The following PTPRF variants were observed in gnomAD, a reference collection of about 807,000 sequenced individuals.
The protein encoded by PTPRF is protein tyrosine phosphatase receptor type F, also known as receptor-type tyrosine-protein phosphatase F.
PTPRF carries 59 observed loss-of-function variants against 201.8 expected under a neutral mutation model. The ratio of observed to expected loss-of-function variants is 0.29; its 90% CI spans 0.24 to 0.36. The LOEUF is 0.36. PTPRF is among the 10% of genes least tolerant of loss of function. PTPRF has a pLI of 1.00. For missense variants in PTPRF, 2,132 were observed against 2,690.5 expected (o/e 0.79, Z 4.59); for synonymous variants, 1,088 against 1,089.7 (o/e 1.00, Z 0.03).
At chr1:43,557,886 C>T (rs563529190) in intron 5 of PTPRF, among the ~76,000 whole-genome samples, 2 of 152,154 alleles carry the variant, frequency 1.3e-5, no homozygotes, top group Non-Finnish European at 2.9e-5. Context: ...GTCTGTATAA[C>T]CTTGGCCAGC....
chr1:43,555,728 G>A (rs1388214952), intron 5 of PTPRF, among the ~76,000 whole-genome samples: 1 of 152,310 alleles, frequency 6.6e-6, no homozygotes, highest in Non-Finnish European at 1.5e-5. Context: ...ACAGGCGTGA[G>A]CCACCACGTC....
intron 23 of PTPRF, among the ~76,000 whole-genome samples, chr1:43,616,569 A>G (rs1490486080): frequency 6.6e-6 from 1 of 151,800 alleles, no homozygotes; most frequent in East Asian, 1.9e-4. Flanking sequence ...GGTGACTGGC[A>G]GGGCGGGGTT....
chr1:43,549,240 T>C (rs568275708), intron 3 of PTPRF, among the ~76,000 whole-genome samples: 27 of 152,320 alleles, frequency 1.8e-4, no homozygotes, highest in African/African-American at 6.5e-4. Flanking sequence ...CGACCCTCAC[T>C]GAACACCAGC....
At chr1:43,580,605 C>A (rs569742880) in intron 7 of PTPRF, among the ~76,000 whole-genome samples, 27 of 152,328 alleles carry the variant, frequency 1.8e-4, no homozygotes, top group Admixed American at 1.1e-3. Context: ...GAGTTGTAAG[C>A]GGCACAGCCT....
At chr1:43,587,812 C>G (rs563959904) in intron 7 of PTPRF, among the ~76,000 whole-genome samples, 1 of 152,318 alleles carries the variant, frequency 6.6e-6, no homozygotes, top group South Asian at 2.1e-4. Context: ...TTCATCACCT[C>G]CCTTCCCTCT....
At position 43,572,695 on chromosome 1, in the gene PTPRF, G is replaced by A. The variant is rs145754802; in HGVS notation, c.568+2917G>A. ...GGACCTTTACGGTTTACGCATCACC[G>A]ACAGTTTACAACAGAGCTTTCCCCG... On this transcript the variant is annotated intron_variant, in intron 6 of 33. Coordinates refer to ENST00000359947, the MANE Select transcript of PTPRF (RefSeq NM_002840.5). Among the ~76,000 whole-genome samples the A allele has an allele frequency of 1.3e-3, 204 of 152,238 alleles. 1 individual carries two copies. Among genetic ancestry groups the A allele is most frequent in the African/African-American group, 4.7e-3 (195 of 41,552 alleles).
intron 6 of PTPRF, among the ~76,000 whole-genome samples, chr1:43,571,180 G>A (rs1407707075): frequency 2.0e-5 from 3 of 152,072 alleles, no homozygotes; most frequent in East Asian, 3.9e-4. Flanking sequence ...TTGTCCTCTC[G>A]GCAGCAGCTA....
At position 43,620,846 on chromosome 1, in the gene PTPRF, G is replaced by A; in HGVS notation, c.5373G>A (p.Gln1791=). ...CCACCCACCTTTCCCAGGATGGGCA[G>A]TCAAGGACAATCCGGCAGTTCCAGT... ...EFKVTDARDG[Q]SRTIRQFQFT... Residue 1791 remains glutamine (Q), a synonymous_variant, in exon 32 of 34, where the codon CAG becomes CAA. Transcript: ENST00000359947. The A allele has an allele frequency of 6.2e-7, 1 of 1,612,016 alleles. No homozygotes were observed. The highest frequency in any genetic ancestry group is 8.5e-7 in the Non-Finnish European group (1 of 1,178,774).
At chr1:43,522,677 T>C (rs1242266389), upstream of PTPRF, among the ~76,000 whole-genome samples, 1 of 152,158 alleles carries the variant, frequency 6.6e-6, no homozygotes, top group Non-Finnish European at 1.5e-5. Context: ...AAGAATGAGT[T>C]ACCATGTGAA....
intron 6 of PTPRF, among the ~76,000 whole-genome samples, chr1:43,577,600 A>G (rs757747535): frequency 2.0e-5 from 3 of 152,188 alleles, no homozygotes; most frequent in Non-Finnish European, 4.4e-5. Flanking sequence ...CCCAACCGTG[A>G]GAGCATGACT....
At chr1:43,620,428 A>G (rs1323718996) in intron 30 of PTPRF, 26 bp from the exon 31 acceptor site, 1 of 1,596,652 alleles carries the variant, frequency 6.3e-7, no homozygotes. Flanking sequence ...TCACCTGATT[A>G]TGGGGGCCCG....
At chr1:43,582,577 G>C (rs546548045) in intron 7 of PTPRF, 1,310 of 10,236 alleles carry the variant, frequency 0.13, 31 homozygotes, top group East Asian at 0.46. Flanking sequence ...ACCTGGCTGC[G>C]GGCCACAGCT....
chr1:43,582,528 C>T (rs1170894400), intron 7 of PTPRF: 1 of 152,356 alleles, frequency 6.6e-6, no homozygotes, highest in African/African-American at 2.4e-5. Flanking sequence ...GCCTGGCCTA[C>T]CTGTGCCAGG....
Position 43,554,853 on chromosome 1 carries a change from C to CT in PTPRF, c.379+915dup, listed in dbSNP as rs1280917056. Among the ~76,000 whole-genome samples the CT allele has an allele frequency of 8.5e-4, 121 of 143,194 alleles. 2 individuals carry two copies. The highest frequency in any genetic ancestry group is 5.0e-3 in the South Asian group (23 of 4,594). The allele number at this position is 143,194 out of a possible 152,430, so 93.9% of individuals were successfully genotyped here. A position where few individuals can be genotyped will look rare whatever the true frequency, so the allele number is the denominator to read the frequency against. On this transcript the variant is annotated intron_variant, in intron 5 of 33. Coordinates refer to ENST00000359947, the MANE Select transcript of PTPRF (RefSeq NM_002840.5). This position sits in a 1 kb window ranked among gnomAD's most constrained non-coding sequence, Gnocchi z 4.1. ...TTGCTTTTTTTTCTTTTCTTTCTTT[C>CT]TTTCTTTTTTTTTTTTTGAGATGCA...
At chr1:43,551,520 C>T (rs1229661632) in intron 3 of PTPRF, among the ~76,000 whole-genome samples, 2 of 152,072 alleles carry the variant, frequency 1.3e-5, no homozygotes, top group Non-Finnish European at 2.9e-5. Flanking sequence ...GCTGGCTGCC[C>T]GAGCCTGCCC....
chr1:43,597,521 C>T (rs1037997286), intron 11 of PTPRF, among the ~76,000 whole-genome samples: 9 of 151,298 alleles, frequency 5.9e-5, no homozygotes, highest in Non-Finnish European at 8.9e-5. Context: ...TGTGTATCAC[C>T]GTGTGTGTGT....
upstream of PTPRF, among the ~76,000 whole-genome samples, chr1:43,530,365 C>T (rs1324212331): frequency 2.6e-5 from 4 of 152,000 alleles, no homozygotes; most frequent in South Asian, 2.1e-4. This position sits in a 1 kb window ranked among gnomAD's most constrained non-coding sequence, Gnocchi z 4.1. Flanking sequence ...TACAGGGTTC[C>T]ATTTAAGGTC....
chr1:43,598,737 C>T lies in PTPRF; in HGVS notation c.2137C>T (p.Arg713Trp). 3.1e-6 allele frequency: 5 copies of T among 1,613,522 alleles called. No homozygotes were observed. The highest frequency in any genetic ancestry group is 4.2e-6 in the Non-Finnish European group (5 of 1,179,576). The change falls in exon 13 of 34, where the codon CGG becomes TGG. Residue 713 changes from arginine to tryptophan, a missense_variant. By Grantham distance (101) the Arg-to-Trp change is moderately radical. Transcript: ENST00000359947. ...TDEDVPSGPP[R>W]KVEVEPLNST... ...CCCCCCAGTGCCCAGCGGGCCTCCGCGGAAGGTGGAGGTGGAGCCACTGAA... is the reference window on the plus strand; with the variant it reads ...CCCCCCAGTGCCCAGCGGGCCTCCGTGGAAGGTGGAGGTGGAGCCACTGAA...
In PTPRF at chr1:43,597,900, C is replaced by G. The variant is rs985815285; in HGVS notation, c.1966C>G (p.Arg656Gly). The G allele has an allele frequency of 6.2e-7, 1 of 1,605,102 alleles. No homozygotes were observed. The highest frequency in any genetic ancestry group is 1.1e-5 in the South Asian group (1 of 88,904). The stretch of plus-strand genomic sequence containing the variant: ...GGCGGTGGACGGCGAGGACCGCGGG[C>G]GGCATGTGGTGGATGGCATCAGCCG... Reference protein sequence around the residue: ...YEAVDGEDRGRHVVDGISREH... With the variant: ...YEAVDGEDRGGHVVDGISREH... The change falls in exon 12 of 34, where the codon CGG (arginine) becomes GGG (glycine). Residue 656 changes from arginine (R) to glycine (G), a missense_variant. Physicochemically the swap from Arg to Gly is moderately radical, Grantham distance 125 (BLOSUM62 -2). This residue lies in a region of PTPRF where 125 missense variants were observed against 211.9 expected (regional missense o/e 0.59). Coordinates refer to ENST00000359947, the MANE Select transcript of PTPRF (RefSeq NM_002840.5).
Sources: allele counts gnomAD v4.1 joint callset (sites outside exome capture counted in the v4.1 genomes callset), GRCh38; gene constraint gnomAD v4.1.1; regional missense constraint gnomAD v4.1.1; non-coding constraint Gnocchi (gnomAD v3.1); transcripts MANE v1.5; gene names NCBI Gene and HGNC (gene_info 2026-07-23, HGNC 2026-07-21).